The following TCF20 variants were observed in gnomAD, a reference collection of about 807,000 sequenced individuals.
The protein encoded by TCF20 is SPRE-binding protein.
TCF20 carries 3 observed loss-of-function variants against 148.6 expected under a neutral mutation model. The ratio of observed to expected loss-of-function variants is 0.02; its 90% CI spans 0.01 to 0.05. TCF20 has a LOEUF of 0.05. Ranked by LOEUF, TCF20 falls within the 10% of genes least tolerant of loss-of-function variation. The pLI, the probability that TCF20 is intolerant of heterozygous loss-of-function variation, is 1.00. For missense variants in TCF20, 2,350 were observed against 2,429.3 expected, an observed-to-expected ratio of 0.97 and a Z score of 0.69; for synonymous variants, 1,049 against 909.5, an observed-to-expected ratio of 1.15 and a Z score of -2.76.
Position 42,161,374 on chromosome 22 carries a change from C to A in TCF20, c.*45-16G>T. On this transcript the variant is annotated splice_polypyrimidine_tract_variant and intron_variant, in intron 5 of 5. Coordinates refer to ENST00000677622, the MANE Select transcript of TCF20 (RefSeq NM_001378418.1). ...ACAGTCTCACCTGGAAGACAAGGGA[C>A]ACACAGTGAAGGCCAGGAGCCTCCA... 6.2e-7 allele frequency: 1 copy of A among 1,614,068 alleles called. No homozygotes were observed. The highest frequency in any genetic ancestry group is 8.5e-7 in the Non-Finnish European group (1 of 1,179,950).
Position 42,211,093 on chromosome 22 carries a change from T to C in TCF20, c.4213A>G (p.Ile1405Val), listed in dbSNP as rs769236455. Residue 1405 changes from isoleucine to valine, a missense_variant, in exon 2 of 6, where the codon ATA becomes GTA. Physicochemically the swap from Ile to Val is conservative, Grantham distance 29. Around this residue, in one of 7 missense-constraint regions of TCF20, gnomAD observed 231 missense variants for 213.7 expected, o/e 1.08. Transcript: ENST00000677622. ...GCCACCTCACCTTTTCTCTTCTCTA[T>C]GTCAGCATCCTGAACAGCAACACTC... is the stretch of plus-strand genomic sequence containing the variant. ...GGSVAVQDAD[I>V]EKRKGEVASD... is the part of the protein sequence containing the mutation. 34 of 1,614,164 alleles carry C rather than the reference T, an allele frequency of 2.1e-5. No individual in the cohort carries two copies. Among genetic ancestry groups the C allele is most frequent in the South Asian group, 5.5e-5 (5 of 91,084 alleles).
chr22:42,164,020 CTCA>C (rs1173315989), intron 5 of TCF20, among the ~76,000 whole-genome samples: 1 of 152,126 alleles, frequency 6.6e-6, no homozygotes, highest in East Asian at 1.9e-4. Context: ...GCAGCAAAAA[CTCA>C]TCATCTCAAC....
intron 1 of TCF20, among the ~76,000 whole-genome samples, chr22:42,266,010 A>T (rs1926268542): frequency 6.6e-6 from 1 of 152,122 alleles, no homozygotes; most frequent in Non-Finnish European, 1.5e-5. Context: ...CAAAACCATA[A>T]GCAGTCACAA....
rs934396968 is a variant in TCF20 at position 42,338,628 on chromosome 22, G to C, written c.-37+4851C>G. On this transcript the variant is annotated intron_variant, in intron 1 of 1. Transcript: ENST00000515426. The surrounding 1 kb of genome is among the most constrained non-coding windows in gnomAD (Gnocchi z 4.0). ...ACGCGTTAGTGATTCCTGCCTGCTC[G>C]GGAAAGGCGGAGGCAGACAGCCATG... Among the ~76,000 whole-genome samples, 1 of 152,240 alleles carries C rather than the reference G, an allele frequency of 6.6e-6. No homozygotes were observed. The highest frequency in any genetic ancestry group is 6.5e-5 in the Admixed American group (1 of 15,288).
chr22:42,168,459 G>C, intron 5 of TCF20, 150 bp downstream of exon 5: 1 of 1,219,768 alleles, frequency 8.2e-7, no homozygotes, highest in Non-Finnish European at 1.1e-6. Flanking sequence ...GGGGAGCTAA[G>C]TAACCAATGG....
At position 42,213,925 on chromosome 22, in the gene TCF20, TACTCAGAGCACTCAAACTACTCAACCC is replaced by T; in HGVS notation, c.1354_1380del (p.Gly452_Ser460del). The T allele has an allele frequency of 1.9e-6, 3 of 1,614,116 alleles. No individual in the cohort carries two copies. The highest frequency in any genetic ancestry group is 2.5e-6 in the Non-Finnish European group (3 of 1,180,014). On this transcript the variant is annotated inframe_deletion, in exon 2 of 6. Coordinates refer to ENST00000677622, the MANE Select transcript of TCF20 (RefSeq NM_001378418.1). ...GTGTTAGGAAGATTGGCCACTTGAG[TACTCAGAGCACTCAAACTACTCAACCC>T]AGGATCTGTCAGTCGCTTTTCTGGT...
chr22:42,227,754 T>C (rs1292442657), intron 1 of TCF20, among the ~76,000 whole-genome samples: 3 of 152,234 alleles, frequency 2.0e-5, no homozygotes, highest in African/African-American at 7.2e-5. Flanking sequence ...CTGATCTGTA[T>C]TTCCTCGTGA....
intron 1 of TCF20, among the ~76,000 whole-genome samples, chr22:42,314,805 G>C (rs1277139654): frequency 6.6e-6 from 1 of 152,126 alleles, no homozygotes; most frequent in Non-Finnish European, 1.5e-5. Flanking sequence ...ATCTGGAGAG[G>C]GGATTCAACA....
At position 42,216,079 on chromosome 22, in the gene TCF20, C is replaced by CTTTTTTTTTTTTTTTTTTTTTTTT. The variant is rs759118027; in HGVS notation, c.-36-762_-36-739dup. Among the ~76,000 whole-genome samples, 12 of 50,572 alleles carry CTTTTTTTTTTTTTTTTTTTTTTTT rather than the reference C, an allele frequency of 2.4e-4. 2 individuals are homozygous for CTTTTTTTTTTTTTTTTTTTTTTTT. Among genetic ancestry groups the CTTTTTTTTTTTTTTTTTTTTTTTT allele is most frequent in the African/African-American group, 5.9e-4 (7 of 11,834 alleles). 33.2% of individuals were successfully genotyped at this position (50,572 alleles called of 152,430 possible). ...GGTGTGGGGTAAGAAAAACCAAATC[C>CTTTTTTTTTTTTTTTTTTTTTTTT]TTTTTTTTTTTTTTTTTTTTTTTTT... is the stretch of plus-strand genomic sequence containing the variant. On this transcript the variant is annotated intron_variant, in intron 1 of 5. Transcript: ENST00000677622.
intron 3 of TCF20, among the ~76,000 whole-genome samples, chr22:42,170,853 G>C (rs567754553): frequency 2.0e-5 from 3 of 151,942 alleles, no homozygotes; most frequent in African/African-American, 4.8e-5. Flanking sequence ...ATCTAGACGC[G>C]TATTTTCTTC....
intron 2 of TCF20, among the ~76,000 whole-genome samples, chr22:42,188,739 G>A (rs1301786653): frequency 6.6e-6 from 1 of 152,194 alleles, no homozygotes; most frequent in Non-Finnish European, 1.5e-5. Context: ...ATCGACTTCA[G>A]AAGTATAATA....
At chr22:42,333,225 G>C (rs919256603) in intron 1 of TCF20, among the ~76,000 whole-genome samples, 1 of 151,496 alleles carries the variant, frequency 6.6e-6, no homozygotes. Context: ...GCTGTGCAGA[G>C]GCTTTAGGGG....
chr22:42,232,525 C>T (rs1569170314), intron 1 of TCF20, among the ~76,000 whole-genome samples: 1 of 152,136 alleles, frequency 6.6e-6, no homozygotes, highest in Admixed American at 6.5e-5. Flanking sequence ...GCATAGTCAT[C>T]TTTCAGCAAC....
At chr22:42,199,462 C>A (rs1569131766) in intron 2 of TCF20, among the ~76,000 whole-genome samples, 1 of 152,124 alleles carries the variant, frequency 6.6e-6, no homozygotes, top group African/African-American at 2.4e-5. Context: ...CTGTGCACAA[C>A]AGAGAGGTTT....
At position 42,324,981 on chromosome 22, in the gene TCF20, T is replaced by C. The variant is rs149349657; in HGVS notation, c.-37+18498A>G. The stretch of plus-strand genomic sequence containing the variant: ...CTCATCCCAAAACTGGGTTCTCCCC[T>C]TGGCCCTAGCCTGGTGCCTGAGAGT... On this transcript the variant is annotated intron_variant, in intron 1 of 1. Coordinates refer to the TCF20 transcript ENST00000515426. 7.9e-3 allele frequency among the ~76,000 whole-genome samples: 1,206 copies of C among 152,362 alleles called. 14 individuals carry two copies. Among genetic ancestry groups the C allele is most frequent in the Non-Finnish European group, 8.9e-3 (608 of 68,034 alleles).
intron 2 of TCF20, among the ~76,000 whole-genome samples, chr22:42,185,437 G>A (rs924943567): frequency 1.3e-5 from 2 of 152,150 alleles, no homozygotes; most frequent in African/African-American, 4.8e-5. Flanking sequence ...CAACTAATGA[G>A]GATACTCTTC....
intron 1 of TCF20, among the ~76,000 whole-genome samples, chr22:42,237,482 A>G (rs1923993418): frequency 6.6e-6 from 1 of 152,210 alleles, no homozygotes. Context: ...TGAGGGCTGG[A>G]ATCATCTTCC....
At chr22:42,334,479 A>G (rs1171083767) in intron 1 of TCF20, among the ~76,000 whole-genome samples, 1 of 152,050 alleles carries the variant, frequency 6.6e-6, no homozygotes, top group Non-Finnish European at 1.5e-5. Context: ...CAGTTCACTC[A>G]GTCAGTCAAC....
At chr22:42,302,899 G>A (rs1927363562) in intron 1 of TCF20, among the ~76,000 whole-genome samples, 1 of 152,202 alleles carries the variant, frequency 6.6e-6, no homozygotes, top group Admixed American at 6.5e-5. Context: ...AATAGATGCT[G>A]GGGTGACTAT....
Sources: allele counts gnomAD v4.1 joint callset (sites outside exome capture counted in the v4.1 genomes callset), GRCh38; gene constraint gnomAD v4.1.1; regional missense constraint gnomAD v4.1.1; non-coding constraint Gnocchi (gnomAD v3.1); transcripts MANE v1.5; gene names NCBI Gene and HGNC (gene_info 2026-07-23, HGNC 2026-07-21).